FSTL4: variants seen among roughly 807,000 people sequenced by gnomAD.
FSTL4 encodes the protein follistatin-related protein 4.
In FSTL4, 28 loss-of-function variants were observed where a neutral mutation model predicts 78.2. That is an observed-to-expected ratio of 0.36 (90% CI 0.27 to 0.49). The LOEUF is 0.49. Among genes scored for constraint, FSTL4 ranks in the 20% least tolerant of loss-of-function variants. The probability of loss-of-function intolerance (pLI) is 0.98; values close to 1 mark genes in which losing one functional copy is unlikely to be tolerated. For synonymous variants in FSTL4, 422 were observed against 440.5 expected, an observed-to-expected ratio of 0.96 and a Z score of 0.53; for missense variants, 922 against 1,084.9, an observed-to-expected ratio of 0.85 and a Z score of 2.11.
chr5:133,362,717 C>T (rs974448170), intron 4 of FSTL4, among the ~76,000 whole-genome samples: 2 of 152,216 alleles, frequency 1.3e-5, no homozygotes, highest in Admixed American at 6.5e-5. Context: ...AACACAAGGG[C>T]GAGGCTGAGC....
chr5:133,806,161 G>C, the FSTL4 span, among the ~76,000 whole-genome samples: 7 of 152,090 alleles, frequency 4.6e-5, no homozygotes, highest in African/African-American at 1.7e-4. Flanking sequence ...ATGCTGCGAG[G>C]GTAGAGGCTT....
Position 133,548,161 on chromosome 5 carries a change from T to C in FSTL4, c.160+19025A>G, listed in dbSNP as rs74824638. Among the ~76,000 whole-genome samples, 1,295 of 152,304 alleles carry C rather than the reference T, an allele frequency of 8.5e-3. 19 individuals carry two copies. The highest frequency in any genetic ancestry group is 0.029 in the African/African-American group (1,221 of 41,568). On this transcript the variant is annotated intron_variant, in intron 3 of 15. Transcript: ENST00000265342. ...TACAATAAAATGGTAGTCAAAAATA[T>C]AGAACTTTTCTGAGTTCTGTGAGTC...
intron 3 of FSTL4, among the ~76,000 whole-genome samples, chr5:133,499,785 C>T (rs1174591141): frequency 1.3e-5 from 2 of 152,144 alleles, no homozygotes; most frequent in Non-Finnish European, 2.9e-5. Context: ...TGATCTCTAC[C>T]CATCTCTACC....
chr5:133,283,197 G>A (rs1033984311), intron 6 of FSTL4, among the ~76,000 whole-genome samples: 2 of 152,110 alleles, frequency 1.3e-5, no homozygotes, highest in African/African-American at 4.8e-5. Flanking sequence ...CATCCTAAAG[G>A]TGTGCTGCGC....
At chr5:133,790,720 C>A in the FSTL4 span, among the ~76,000 whole-genome samples, 8 of 152,210 alleles carry the variant, frequency 5.3e-5, no homozygotes, top group African/African-American at 1.9e-4. Flanking sequence ...ATCCTGACTG[C>A]TGAGGCTAAA....
Position 133,509,345 on chromosome 5 carries a change from A to G in FSTL4, c.160+57841T>C, listed in dbSNP as rs151002256. 6.4e-4 allele frequency among the ~76,000 whole-genome samples: 97 copies of G among 152,218 alleles called. 1 individual carries two copies. In the East Asian group the frequency reaches 0.016, roughly 25 times the overall value. ...TTACAACACAGCAAAGACCTGGCCA[A>G]CCTTCTCCGTCTCCTCTTTTTCATG... is the stretch of plus-strand genomic sequence containing the variant. On this transcript the variant is annotated intron_variant, in intron 3 of 15. Transcript: ENST00000265342.
chr5:133,362,833 T>C (rs945901746), intron 4 of FSTL4, among the ~76,000 whole-genome samples: 2 of 152,250 alleles, frequency 1.3e-5, no homozygotes, highest in Admixed American at 6.5e-5. Context: ...AAGCATCATC[T>C]CATACTTTTA....
intron 3 of FSTL4, among the ~76,000 whole-genome samples, chr5:133,525,744 C>T (rs987473212): frequency 2.6e-5 from 4 of 152,180 alleles, no homozygotes; most frequent in Non-Finnish European, 5.9e-5. Context: ...AAGCCCTTGT[C>T]ATGCAAATGA....
the FSTL4 span, among the ~76,000 whole-genome samples, chr5:133,744,942 C>G: frequency 6.6e-6 from 1 of 152,160 alleles, no homozygotes; most frequent in Non-Finnish European, 1.5e-5. Flanking sequence ...TAGAAAACTA[C>G]CTGGTCCATC....
chr5:133,258,892 C>T (rs1401205119), intron 6 of FSTL4, among the ~76,000 whole-genome samples: 2 of 152,188 alleles, frequency 1.3e-5, no homozygotes, highest in African/African-American at 4.8e-5. Context: ...TCATCCAGGT[C>T]AGGAACCTTC....
intron 3 of FSTL4, among the ~76,000 whole-genome samples, chr5:133,558,339 T>C (rs1419507527): frequency 6.6e-6 from 1 of 152,172 alleles, no homozygotes; most frequent in African/African-American, 2.4e-5. Context: ...GAGAGAGCCA[T>C]TGAGGGGCAG....
chr5:133,717,738 A>G, the FSTL4 span, among the ~76,000 whole-genome samples: 1 of 152,224 alleles, frequency 6.6e-6, no homozygotes, highest in Non-Finnish European at 1.5e-5. Context: ...CGTCCATGTC[A>G]TTACATCTAT....
intron 5 of FSTL4, among the ~76,000 whole-genome samples, chr5:133,315,026 G>C (rs1034073794): frequency 6.6e-6 from 1 of 152,164 alleles, no homozygotes; most frequent in Admixed American, 6.5e-5. Flanking sequence ...GCTGGGTGTG[G>C]TGGTGTAAGC....
the FSTL4 span, among the ~76,000 whole-genome samples, chr5:133,732,791 C>T: frequency 1.0e-3 from 156 of 152,312 alleles, no homozygotes; most frequent in African/African-American, 3.1e-3. Context: ...CAGGGGTCCC[C>T]GGGCTCTCCA....
intron 2 of FSTL4, among the ~76,000 whole-genome samples, chr5:133,575,934 AT>A (rs1760268286): frequency 6.6e-6 from 1 of 152,242 alleles, no homozygotes; most frequent in African/African-American, 2.4e-5. Context: ...CAGCCAAATC[AT>A]TTAAAATGTC....
the FSTL4 span, among the ~76,000 whole-genome samples, chr5:133,689,955 G>A: frequency 1.3e-5 from 2 of 152,076 alleles, no homozygotes; most frequent in Admixed American, 6.5e-5. Flanking sequence ...CAGCCACTCC[G>A]GAGGCTGAGG....
chr5:133,543,172 T>A (rs2112921029), intron 3 of FSTL4, among the ~76,000 whole-genome samples: 1 of 152,276 alleles, frequency 6.6e-6, no homozygotes, highest in South Asian at 2.1e-4. Context: ...CACCTCAGCC[T>A]CCTGAGTAGC....
chr5:133,712,333 G>C, the FSTL4 span, among the ~76,000 whole-genome samples: 3 of 152,302 alleles, frequency 2.0e-5, no homozygotes, highest in Admixed American at 2.0e-4. Flanking sequence ...TAGGCCTGTG[G>C]GGTTGGAAGG....
chr5:133,439,191 G>A (rs553807936), intron 3 of FSTL4, among the ~76,000 whole-genome samples: 39 of 152,330 alleles, frequency 2.6e-4, no homozygotes, highest in Non-Finnish European at 8.8e-5. Flanking sequence ...GGGTGGGGTG[G>A]ACAGGGTGGA....
Sources: gnomAD v4.1 joint callset for allele counts (sites outside exome capture counted in the v4.1 genomes callset) on GRCh38, gnomAD v4.1.1 for gene constraint, MANE v1.5 for transcripts, NCBI Gene and HGNC (gene_info 2026-07-23, HGNC 2026-07-21) for gene names.